The following LYSMD4 variants were observed in gnomAD, a reference collection of about 807,000 sequenced individuals.
LYSMD4 encodes the protein lysM and putative peptidoglycan-binding domain-containing protein 4.
Under a neutral mutation model 6.1 loss-of-function variants are expected in LYSMD4, and 9 were observed. The ratio of observed to expected loss-of-function variants is 1.47; its 90% CI spans 0.88 to 2.56. The LOEUF (loss-of-function observed/expected upper bound fraction) is 2.56. LYSMD4 is among the 30% of genes most tolerant of loss of function. LYSMD4 has a pLI of 0.00. For missense variants in LYSMD4, 384 were observed against 373.5 expected, an observed-to-expected ratio of 1.03 and a Z score of -0.23; for synonymous variants, 143 against 148.5, an observed-to-expected ratio of 0.96 and a Z score of 0.27.
intron 2 of LYSMD4, chr15:99,731,491 G>A: frequency 6.3e-7 from 1 of 1,591,048 alleles, no homozygotes; most frequent in African/African-American, 1.4e-5. Context: ...GTTCCCTGCA[G>A]AGAAAGAAAT....
upstream of LYSMD4, among the ~76,000 whole-genome samples, chr15:99,720,455 A>C (rs2603221): frequency 0.59 from 90,248 of 151,988 alleles, 28,026 homozygotes; most frequent in Admixed American, 0.67. Context: ...CCTCCTCTCT[A>C]CAAAAAGAAA....
chr15:99,732,084 T>C (rs1243566507), intron 1 of LYSMD4, 77 bp from the exon 2 acceptor site: 17 of 1,420,400 alleles, frequency 1.2e-5, no homozygotes, highest in Non-Finnish European at 1.5e-5. Context: ...GAGAAGTGTC[T>C]TGTTAGAGAG....
In LYSMD4 at chr15:99,729,237, A is replaced by T; in HGVS notation, c.777T>A (p.Asn259Lys). The stretch of plus-strand genomic sequence containing the variant: ...GAACTGTACCCATTGCCATCGAGCC[A>T]TTGGGGATGACAGTTGTGTTCAAGC... Reference protein sequence around the residue: ...PNSLNTTVIPNGSMAMGTVPG... With the variant: ...PNSLNTTVIPKGSMAMGTVPG... Residue 259 changes from asparagine to lysine, a missense_variant, in exon 3 of 3, where the codon AAT becomes AAA. Physicochemically the swap from Asn to Lys is moderately conservative, Grantham distance 94. Transcript: ENST00000684762. The T allele has an allele frequency of 6.2e-7, 1 of 1,614,260 alleles. No homozygotes were observed.
intron 1 of LYSMD4, 114 bp downstream of exon 1, chr15:99,733,231 C>A (rs984839151): frequency 3.2e-5 from 12 of 374,880 alleles, no homozygotes; most frequent in Non-Finnish European, 5.2e-5. Flanking sequence ...CCCCTAGGAG[C>A]CCGGGGAGGG....
chr15:99,729,828 A>G (rs1193166312), intron 2 of LYSMD4, 97 bp from the exon 3 acceptor site: 2 of 1,390,168 alleles, frequency 1.4e-6, no homozygotes, highest in African/African-American at 2.9e-5. Flanking sequence ...TGATGATTCA[A>G]GCCCACTTCA....
At position 99,729,689 on chromosome 15, in the gene LYSMD4, C is replaced by G; in HGVS notation, c.325G>C (p.Asp109His). 1 of 1,613,302 alleles carries G rather than the reference C, an allele frequency of 6.2e-7. No individual in the cohort carries two copies. Among genetic ancestry groups the G allele is most frequent in the Non-Finnish European group, 8.5e-7 (1 of 1,179,918 alleles). Residue 109 changes from aspartate (D) to histidine (H), a missense_variant, in exon 3 of 3, where the codon GAC becomes CAC. By Grantham distance (81) the Asp-to-His change is moderately conservative (BLOSUM62 -1). Transcript: ENST00000684762. ...KKVNNFIREQ[D>H]LYALKSVKIP... ...TTAACAGATTTCAAAGCATATAAGT[C>G]TTGTTCTCTGATGAAGTTGTTGACT...
chr15:99,732,039 G>A lies in LYSMD4; in HGVS notation c.-8-32C>T, dbSNP rs770938086. The A allele has an allele frequency of 7.9e-6, 12 of 1,522,512 alleles. No homozygotes were observed. In the East Asian group the frequency reaches 3.0e-4, roughly 37 times the overall value. The allele number at this position is 1,522,512 out of a possible 1,614,324, so 94.3% of individuals were successfully genotyped here. On this transcript the variant is annotated intron_variant, in intron 1 of 2. Coordinates refer to ENST00000684762, the MANE Select transcript of LYSMD4 (RefSeq NM_001284417.2). ...ATCAAGCCGGAGGGTTAATTCCACA[G>A]AAGACATAATCATCCCTCCACCGCC...
chr15:99,721,500 C>T (rs1316551337), upstream of LYSMD4, among the ~76,000 whole-genome samples: 1 of 152,220 alleles, frequency 6.6e-6, no homozygotes, highest in African/African-American at 2.4e-5. Flanking sequence ...ACTAAGTCAA[C>T]AACACACCTC....
chr15:99,726,677 AT>A (rs1295186330), downstream of LYSMD4, among the ~76,000 whole-genome samples: 6 of 152,186 alleles, frequency 3.9e-5, no homozygotes, highest in Non-Finnish European at 7.3e-5. Context: ...AAATTAAAGC[AT>A]CATTTGCTTG....
At chr15:99,726,297 C>A (rs373757616), downstream of LYSMD4, among the ~76,000 whole-genome samples, 3 of 151,984 alleles carry the variant, frequency 2.0e-5, no homozygotes, top group African/African-American at 4.8e-5. Context: ...GCCCACATCA[C>A]CAGGCCCAGC....
At chr15:99,719,967 A>G (rs2059225750), upstream of LYSMD4, among the ~76,000 whole-genome samples, 1 of 152,160 alleles carries the variant, frequency 6.6e-6, no homozygotes, top group Non-Finnish European at 1.5e-5. Flanking sequence ...ACATTTTAAT[A>G]TCTTTCAAGT....
At position 99,729,334 on chromosome 15, in the gene LYSMD4, A is replaced by G; in HGVS notation, c.680T>C (p.Leu227Pro). ...QWWNAVFIML[L>P]IGIVLPVFYL... is the part of the protein sequence containing the mutation. ...AAAGACAGGCAAGACAATACCAATC[A>G]GCAGCATGATGAAAACAGCATTCCA... The change falls in exon 3 of 3, where the codon CTG becomes CCG. Residue 227 changes from leucine (L) to proline (P), a missense_variant. Coordinates refer to ENST00000684762, the MANE Select transcript of LYSMD4 (RefSeq NM_001284417.2). The G allele has an allele frequency of 3.1e-6, 5 of 1,614,264 alleles. No homozygotes were observed. The highest frequency in any genetic ancestry group is 4.2e-6 in the Non-Finnish European group (5 of 1,180,052).
upstream of LYSMD4, among the ~76,000 whole-genome samples, chr15:99,720,590 T>C (rs1049666514): frequency 6.6e-6 from 1 of 152,224 alleles, no homozygotes; most frequent in Admixed American, 6.5e-5. Flanking sequence ...AAATTGTAAA[T>C]GGCTCTCAAC....
downstream of LYSMD4, among the ~76,000 whole-genome samples, chr15:99,725,270 A>G (rs969403242): frequency 6.6e-6 from 1 of 152,186 alleles, no homozygotes; most frequent in African/African-American, 2.4e-5. Flanking sequence ...CTCCTAGATC[A>G]ATTGTATTTC....
At chr15:99,731,136 G>GA (rs1248105147) in intron 2 of LYSMD4, 1 of 1,597,354 alleles carries the variant, frequency 6.3e-7, no homozygotes. Context: ...CAATCTAGGA[G>GA]AAAATGCAGC....
intron 2 of LYSMD4, among the ~76,000 whole-genome samples, chr15:99,730,568 TCAAA>T (rs1174528694): frequency 1.3e-5 from 2 of 152,244 alleles, no homozygotes; most frequent in Non-Finnish European, 2.9e-5. Flanking sequence ...CAGATCTCAA[TCAAA>T]TCAATCATTT....
intron 2 of LYSMD4, chr15:99,731,261 G>A: frequency 6.2e-7 from 1 of 1,602,512 alleles, no homozygotes; most frequent in Non-Finnish European, 8.5e-7. Context: ...AGACCATGCA[G>A]TTCTAAACGA....
chr15:99,729,044 C>T lies in LYSMD4; in HGVS notation c.*79G>A. The T allele has an allele frequency of 6.4e-7, 1 of 1,569,088 alleles. No homozygotes were observed. The highest frequency in any genetic ancestry group is 8.7e-7 in the Non-Finnish European group (1 of 1,154,052). ...CTTCCCCGGAAGCAAAATGCAGCAC[C>T]CCTAGGACATCGCCAGTGACAGCTG... is the stretch of plus-strand genomic sequence containing the variant. On this transcript the variant is annotated 3_prime_UTR_variant, in exon 3 of 3. Transcript: ENST00000684762.
At chr15:99,731,180 T>C (rs969205513) in intron 2 of LYSMD4, 1 of 1,612,744 alleles carries the variant, frequency 6.2e-7, no homozygotes, top group Admixed American at 1.7e-5. Context: ...TACTTTGCCA[T>C]TGTTAATCAC....
Sources: allele counts gnomAD v4.1 joint callset (sites outside exome capture counted in the v4.1 genomes callset), GRCh38; gene constraint gnomAD v4.1.1; transcripts MANE v1.5; gene names NCBI Gene and HGNC (gene_info 2026-07-23, HGNC 2026-07-21).